Variants in HERC4 observed in about 807,000 individuals in gnomAD.
The protein encoded by HERC4 is HECT and RLD domain containing E3 ubiquitin protein ligase 4.
A neutral mutation model predicts 124.3 loss-of-function variants in HERC4; 28 were observed. The observed-to-expected ratio is 0.23, with a 90% CI of 0.17 to 0.31. The LOEUF (loss-of-function observed/expected upper bound fraction) is 0.31. Ranked by LOEUF, HERC4 falls within the 10% of genes least tolerant of loss-of-function variation. The pLI is 1.00. For synonymous variants in HERC4, 407 were observed against 421.5 expected (o/e 0.97, Z 0.42); for missense variants, 713 against 1,229.3 (o/e 0.58, Z 6.28).
chr10:68,042,646 A>G (rs762059057), intron 4 of HERC4, among the ~76,000 whole-genome samples: 1 of 152,170 alleles, frequency 6.6e-6, no homozygotes, highest in Non-Finnish European at 1.5e-5. Context: ...ACAAAAATCT[A>G]TAAACACCAA....
intron 9 of HERC4, 134 bp downstream of exon 9, chr10:68,013,892 A>G: frequency 1.5e-6 from 1 of 673,580 alleles, no homozygotes. Flanking sequence ...AACCATATAC[A>G]TTGTTCTATA....
chr10:67,934,446 A>T (rs2032145653), intron 22 of HERC4, among the ~76,000 whole-genome samples: 2 of 152,052 alleles, frequency 1.3e-5, no homozygotes, highest in Non-Finnish European at 2.9e-5. Context: ...TTCTAAATCG[A>T]CACAGTTATT....
chr10:68,053,776 G>A (rs2040425229), intron 3 of HERC4, among the ~76,000 whole-genome samples: 1 of 152,146 alleles, frequency 6.6e-6, no homozygotes, highest in Non-Finnish European at 1.5e-5. Flanking sequence ...GCAGTTCTGT[G>A]AATGCCCATG....
Position 67,951,918 on chromosome 10 carries a change from A to C in HERC4, c.2337+2677T>G, listed in dbSNP as rs561995217. 1.3e-3 allele frequency among the ~76,000 whole-genome samples: 197 copies of C among 151,222 alleles called. 1 individual carries two copies. Among genetic ancestry groups the C allele is most frequent in the African/African-American group, 4.7e-3 (196 of 41,268 alleles). On this transcript the variant is annotated intron_variant, in intron 19 of 24. Coordinates refer to ENST00000373700, the MANE Select transcript of HERC4 (RefSeq NM_015601.4). The stretch of plus-strand genomic sequence containing the variant: ...TTTTTGGCAACTTCAATATCCAGAC[A>C]AAAAAAAATGCATACAACACACTAG...
intron 3 of HERC4, among the ~76,000 whole-genome samples, chr10:68,047,662 T>A (rs551075898): frequency 6.6e-6 from 1 of 152,124 alleles, no homozygotes; most frequent in Non-Finnish European, 1.5e-5. Context: ...CCATGGGAAT[T>A]ACAATTTAAA....
rs1231426066 is a variant in HERC4 at position 67,932,761 on chromosome 10, A to G, written c.2674T>C (p.Tyr892His). 2.5e-6 allele frequency: 4 copies of G among 1,594,482 alleles called. No homozygotes were observed. Among genetic ancestry groups the G allele is most frequent in the African/African-American group, 1.4e-5 (1 of 73,506 alleles). ...KQNRQEFVDA[Y>H]VDYIFNKSVA... ...GATTTATTGAATATGTAATCCACAT[A>G]AGCATCGACAAACTCTTGCCTAGAA... The change falls in exon 23 of 25, where the codon TAT becomes CAT. Residue 892 changes from tyrosine (Y) to histidine (H), a missense_variant. Tyr to His is a moderately conservative substitution (Grantham distance 83). Transcript: ENST00000373700.
chr10:68,064,153 C>T (rs1027852062), intron 3 of HERC4, among the ~76,000 whole-genome samples: 2 of 151,928 alleles, frequency 1.3e-5, no homozygotes, highest in East Asian at 1.9e-4. Flanking sequence ...TGAGGGGAAT[C>T]GCTTGAGCCC....
intron 21 of HERC4, among the ~76,000 whole-genome samples, chr10:67,936,710 C>A (rs1484373399): frequency 6.6e-6 from 1 of 152,172 alleles, no homozygotes; most frequent in Non-Finnish European, 1.5e-5. Context: ...TAAAGATAGG[C>A]AGTTATTTTG....
intron 3 of HERC4, chr10:68,069,508 G>T: frequency 1.0e-6 from 1 of 985,376 alleles, no homozygotes; most frequent in Non-Finnish European, 1.2e-6. Flanking sequence ...TCCCTAAAAA[G>T]TCCAGAACAG....
intron 9 of HERC4, among the ~76,000 whole-genome samples, chr10:68,003,409 A>AGG: frequency 6.8e-6 from 1 of 146,830 alleles, no homozygotes. Flanking sequence ...TCCTGACCTC[A>AGG]TGATCTGCCC....
At chr10:68,065,166 G>A (rs2041240116) in intron 3 of HERC4, among the ~76,000 whole-genome samples, 1 of 152,018 alleles carries the variant, frequency 6.6e-6, no homozygotes, top group South Asian at 2.1e-4. Context: ...AAACATATAT[G>A]AATATAGAAA....
At chr10:68,049,306 T>C (rs2040167830) in intron 3 of HERC4, among the ~76,000 whole-genome samples, 1 of 152,164 alleles carries the variant, frequency 6.6e-6, no homozygotes, top group South Asian at 2.1e-4. Context: ...TTTGCTATTT[T>C]TTGTGTAAGA....
In HERC4 at chr10:67,929,689, A is replaced by AT. The variant is rs750572948; in HGVS notation, c.2838+2907dup. 6.0e-5 allele frequency among the ~76,000 whole-genome samples: 9 copies of AT among 150,936 alleles called. 1 individual carries two copies. In the South Asian group the frequency reaches 1.9e-3, roughly 32 times the overall value. On this transcript the variant is annotated intron_variant, in intron 23 of 24. Coordinates refer to ENST00000373700, the MANE Select transcript of HERC4 (RefSeq NM_015601.4). ...GCCACCATAAAGGGCCAATTTTTGT[A>AT]TTTTTTGTAGAGACAGGGTTTTATC...
Position 67,922,705 on chromosome 10 carries a change from GTTTAT to G in HERC4, c.*221_*225del, listed in dbSNP as rs2030345614. Reference sequence around the variant, plus strand: ...TTAATGTATTCATAATACTTGCTATGTTTATTAGAAGATGGTCAAAAAAAATCCAT... The same window carrying G: ...TTAATGTATTCATAATACTTGCTATGTAGAAGATGGTCAAAAAAAATCCAT... On this transcript the variant is annotated 3_prime_UTR_variant, in exon 25 of 25. Transcript: ENST00000373700. 15 of 327,700 alleles carry G rather than the reference GTTTAT, an allele frequency of 4.6e-5. 1 individual carries two copies. The South Asian group carries it at 1.2e-3, about 27-fold the overall frequency. 20.3% of individuals were successfully genotyped at this position (327,700 alleles called of 1,614,324 possible). A position where few individuals can be genotyped will look rare whatever the true frequency, so the allele number is the denominator to read the frequency against.
Position 67,956,881 on chromosome 10 carries a change from C to T in HERC4, c.2022G>A (p.Met674Ile). 1 of 1,540,932 alleles carries T rather than the reference C, an allele frequency of 6.5e-7. No individual in the cohort carries two copies. Among genetic ancestry groups the T allele is most frequent in the Non-Finnish European group, 8.8e-7 (1 of 1,141,770 alleles). Reference protein sequence around the residue: ...TLLQTDAVLQMQMAIDQAHRQ... With the variant: ...TLLQTDAVLQIQMAIDQAHRQ... ...ACCCTCTCAAATAATATTTTACCTG[C>T]ATCTGTAAGACTGCATCGGTCTGTA... is the stretch of plus-strand genomic sequence containing the variant. Residue 674 changes from methionine to isoleucine, a missense_variant, in exon 17 of 25, where the codon ATG (methionine) becomes ATA (isoleucine). By Grantham distance (10) the Met-to-Ile change is conservative (BLOSUM62 1). Coordinates refer to ENST00000373700, the MANE Select transcript of HERC4 (RefSeq NM_015601.4).
At position 68,073,490 on chromosome 10, in the gene HERC4, A is replaced by G. The variant is rs145089260; in HGVS notation, c.-79+167T>C. Among the ~76,000 whole-genome samples, 227 of 152,348 alleles carry G rather than the reference A, an allele frequency of 1.5e-3. 1 individual carries two copies. Among genetic ancestry groups the G allele is most frequent in the African/African-American group, 5.2e-3 (218 of 41,588 alleles). ...ACTAATAGGAATAAGTACCTTGATG[A>G]AATTAATCACAATTTTTTCTACTTT... is the stretch of plus-strand genomic sequence containing the variant. On this transcript the variant is annotated intron_variant, in intron 2 of 24. Coordinates refer to ENST00000373700, the MANE Select transcript of HERC4 (RefSeq NM_015601.4).
intron 3 of HERC4, among the ~76,000 whole-genome samples, chr10:68,070,801 C>CG (rs2041537147): frequency 6.6e-6 from 1 of 151,742 alleles, no homozygotes; most frequent in Non-Finnish European, 1.5e-5. Context: ...GATCAGGACC[C>CG]CCCCCTTCTA....
intron 13 of HERC4, 147 bp downstream of exon 13, chr10:67,990,757 T>C: frequency 1.9e-6 from 1 of 516,668 alleles, no homozygotes; most frequent in Non-Finnish European, 3.3e-6. Context: ...GACAGCTAAA[T>C]TACAAATGCT....
chr10:68,048,297 G>C (rs560741221), intron 3 of HERC4, among the ~76,000 whole-genome samples: 1 of 152,266 alleles, frequency 6.6e-6, no homozygotes, highest in African/African-American at 2.4e-5. Context: ...GTAGGTGAAT[G>C]GATAAACTGT....
Sources: gnomAD v4.1 joint callset for allele counts (sites outside exome capture counted in the v4.1 genomes callset) on GRCh38, gnomAD v4.1.1 for gene constraint, MANE v1.5 for transcripts, NCBI Gene and HGNC (gene_info 2026-07-23, HGNC 2026-07-21) for gene names.